The following STK32A variants were observed in gnomAD, a reference collection of about 807,000 sequenced individuals.
STK32A encodes serine/threonine-protein kinase 32A.
Under a neutral mutation model 53.2 loss-of-function variants are expected in STK32A, and 41 were observed. The ratio of observed to expected loss-of-function variants is 0.77; its 90% confidence interval spans 0.60 to 1.00. The LOEUF (loss-of-function observed/expected upper bound fraction) is 1.00, where lower values mean the gene tolerates loss of function less well. STK32A is among the 50% of genes least tolerant of loss of function. The pLI, the probability that STK32A is intolerant of heterozygous loss-of-function variation, is 0.00. For missense variants in STK32A, 458 were observed against 485.8 expected (o/e 0.94, Z 0.54); for synonymous variants, 166 against 162.8 (o/e 1.02, Z -0.15).
At chr5:147,338,257 G>A (rs115024966) in intron 5 of STK32A, among the ~76,000 whole-genome samples, 124 of 152,218 alleles carry the variant, frequency 8.1e-4, no homozygotes, top group African/African-American at 2.8e-3. Flanking sequence ...CATGAGATAT[G>A]ATGGTTTTAT....
At chr5:147,273,129 C>CTT (rs1228582933) in intron 2 of STK32A, among the ~76,000 whole-genome samples, 2 of 152,150 alleles carry the variant, frequency 1.3e-5, no homozygotes, top group Non-Finnish European at 2.9e-5. Context: ...AAAGGGTTTC[C>CTT]TTTTTTCTTT....
chr5:147,363,573 C>T (rs1396181301), intron 8 of STK32A, among the ~76,000 whole-genome samples: 1 of 152,194 alleles, frequency 6.6e-6, no homozygotes. Context: ...ATCCTTCTTC[C>T]TTTTACTTGA....
chr5:147,272,741 C>T (rs1286942893), intron 2 of STK32A, among the ~76,000 whole-genome samples: 1 of 152,158 alleles, frequency 6.6e-6, no homozygotes, highest in Admixed American at 6.5e-5. Flanking sequence ...TTTTAGTTTT[C>T]AGTGGACCAG....
chr5:147,256,542 G>T (rs561623321), intron 2 of STK32A, among the ~76,000 whole-genome samples: 1 of 152,074 alleles, frequency 6.6e-6, no homozygotes, highest in South Asian at 2.1e-4. Context: ...ACGGAGTTTC[G>T]CTCTTGTTGC....
intron 11 of STK32A, among the ~76,000 whole-genome samples, chr5:147,380,193 T>C (rs976281536): frequency 1.3e-5 from 2 of 152,206 alleles, no homozygotes; most frequent in Non-Finnish European, 2.9e-5. Flanking sequence ...TTATTTTTCC[T>C]AAAATCTTGG....
Position 147,384,163 on chromosome 5 carries a change from G to A in STK32A, c.*180G>A. On this transcript the variant is annotated 3_prime_UTR_variant, in exon 13 of 13. Transcript: ENST00000397936. ...GGTCCTGGGCCTGAGCTCCTGGGAT[G>A]TCATTTCACATCAATCAACTGTGTG... 6.9e-7 allele frequency: 1 copy of A among 1,444,374 alleles called. No individual in the cohort carries two copies. Among genetic ancestry groups the A allele is most frequent in the Non-Finnish European group, 9.0e-7 (1 of 1,112,386 alleles). 89.5% of individuals were successfully genotyped at this position (1,444,374 alleles called of 1,614,324 possible).
intron 4 of STK32A, among the ~76,000 whole-genome samples, chr5:147,318,529 C>T (rs902473524): frequency 2.0e-5 from 3 of 151,398 alleles, no homozygotes; most frequent in Non-Finnish European, 2.9e-5. Flanking sequence ...CTTTGAGAGG[C>T]TACGGCAGGA....
At chr5:147,358,455 C>T (rs1297559404) in intron 7 of STK32A, among the ~76,000 whole-genome samples, 1 of 152,148 alleles carries the variant, frequency 6.6e-6, no homozygotes, top group East Asian at 1.9e-4. Context: ...GAGATATGCA[C>T]TTATAGGAAT....
intron 2 of STK32A, among the ~76,000 whole-genome samples, chr5:147,246,915 G>T (rs1753788554): frequency 6.6e-6 from 1 of 152,096 alleles, no homozygotes; most frequent in East Asian, 1.9e-4. Context: ...AAAATTCATT[G>T]CTTCTTTATG....
At chr5:147,374,178 C>T (rs781164604) in intron 10 of STK32A, among the ~76,000 whole-genome samples, 1 of 151,414 alleles carries the variant, frequency 6.6e-6, no homozygotes, top group Non-Finnish European at 1.5e-5. Context: ...GTCTCAGCTA[C>T]CTAGGAGGCT....
At chr5:147,372,953 T>C (rs749660498) in intron 9 of STK32A, among the ~76,000 whole-genome samples, 2 of 152,154 alleles carry the variant, frequency 1.3e-5, no homozygotes, top group African/African-American at 2.4e-5. Flanking sequence ...ATATTTGACT[T>C]AGTAGGACAA....
chr5:147,324,128 T>C, intron 5 of STK32A, 57 bp downstream of exon 5: 1 of 1,456,412 alleles, frequency 6.9e-7, no homozygotes, highest in Non-Finnish European at 9.2e-7. Flanking sequence ...AATCCACAAC[T>C]GGCTACCTTC....
chr5:147,251,213 T>C (rs2151942448), intron 2 of STK32A, among the ~76,000 whole-genome samples: 1 of 152,318 alleles, frequency 6.6e-6, no homozygotes. Context: ...CTTTGGGTTT[T>C]AATGCTCTGC....
chr5:147,343,208 G>T (rs978949811), intron 6 of STK32A, 165 bp downstream of exon 6: 1 of 792,916 alleles, frequency 1.3e-6, no homozygotes, highest in Non-Finnish European at 2.2e-6. Context: ...ATTACTTATG[G>T]CAGGTTATAG....
chr5:147,398,939 GC>G, the STK32A span: 1 of 1,152,600 alleles, frequency 8.7e-7, no homozygotes, highest in South Asian at 1.6e-5. Context: ...GAGGTTTTGA[GC>G]CACTGAGATT....
intron 7 of STK32A, among the ~76,000 whole-genome samples, chr5:147,352,556 C>T (rs577953341): frequency 6.6e-5 from 10 of 152,278 alleles, no homozygotes; most frequent in African/African-American, 2.4e-4. Context: ...CGAGGGGGCA[C>T]ACAGTATTCA....
At chr5:147,279,507 T>C (rs1751943259) in intron 4 of STK32A, 109 bp downstream of exon 4, 2 of 920,656 alleles carry the variant, frequency 2.2e-6, no homozygotes, top group African/African-American at 1.7e-5. Flanking sequence ...TCCAGGCTCT[T>C]GACACAATTG....
chr5:147,259,325 T>C (rs1346511275), intron 2 of STK32A, among the ~76,000 whole-genome samples: 2 of 152,218 alleles, frequency 1.3e-5, no homozygotes, highest in Non-Finnish European at 2.9e-5. Context: ...TACTTCCTTC[T>C]GTTAGCAAAG....
chr5:147,376,907 G>A (rs993178668), intron 11 of STK32A, among the ~76,000 whole-genome samples: 2 of 152,060 alleles, frequency 1.3e-5, no homozygotes, highest in Non-Finnish European at 2.9e-5. Flanking sequence ...GTCATTCTAC[G>A]AAGCCAGCAT....
Sources: allele counts gnomAD v4.1 joint callset (sites outside exome capture counted in the v4.1 genomes callset), GRCh38; gene constraint gnomAD v4.1.1; transcripts MANE v1.5; gene names NCBI Gene and HGNC (gene_info 2026-07-23, HGNC 2026-07-21).